Variants in CNPPD1 observed in about 807,000 individuals in gnomAD.
CNPPD1 encodes cyclin Pas1/PHO80 domain containing 1, also known as protein CNPPD1.
A neutral mutation model predicts 43.7 loss-of-function variants in CNPPD1; 40 were observed. That is an observed-to-expected ratio of 0.92 (90% CI 0.71 to 1.19). The LOEUF (loss-of-function observed/expected upper bound fraction) is 1.19. CNPPD1 is among the 50% of genes most tolerant of loss of function. The pLI is 0.00. For missense variants in CNPPD1, 511 were observed against 518.5 expected, an observed-to-expected ratio of 0.99 and a Z score of 0.14; for synonymous variants, 208 against 214.3, an observed-to-expected ratio of 0.97 and a Z score of 0.26.
intron 2 of CNPPD1, 138 bp downstream of exon 2, chr2:219,176,085 T>C (rs1950153737): frequency 1.5e-6 from 1 of 646,626 alleles, no homozygotes; most frequent in Non-Finnish European, 2.8e-6. Flanking sequence ...AAATGCAAAC[T>C]GCCCTCTTGA....
upstream of CNPPD1, chr2:219,177,837 GGT>G (rs1950202104): frequency 6.6e-6 from 1 of 152,252 alleles, no homozygotes; most frequent in Admixed American, 6.5e-5. Context: ...GTCAAGCGCT[GGT>G]GTGTGTTTGT....
At position 219,174,180 on chromosome 2, in the gene CNPPD1, C is replaced by T. The variant is rs1246074421; in HGVS notation, c.538G>A (p.Glu180Lys). The change falls in exon 6 of 8, where the codon GAG (glutamate) becomes AAG (lysine). Residue 180 changes from glutamate to lysine, a missense_variant. Physicochemically the swap from Glu to Lys is moderately conservative, Grantham distance 56 (BLOSUM62 1). Coordinates refer to ENST00000360507, the MANE Select transcript of CNPPD1 (RefSeq NM_015680.6). ...AACCAGCTCAGCACCTCAAAGATCT[C>T]CCGAGGGTCAGTGTAGAGATGCCAA... is the stretch of plus-strand genomic sequence containing the variant. Reference protein sequence around the residue: ...MDWHLYTDPREIFEVLSWLES... With the variant: ...MDWHLYTDPRKIFEVLSWLES... The T allele has an allele frequency of 6.2e-7, 1 of 1,614,198 alleles. No individual in the cohort carries two copies. Among genetic ancestry groups the T allele is most frequent in the Non-Finnish European group, 8.5e-7 (1 of 1,180,032 alleles).
rs773901309 is a variant in CNPPD1 at position 219,172,437 on chromosome 2, C to T, written c.*149G>A. ...ATCTAGGAGTGAATTACCTTCAGTC[C>T]TTCTGCCCCACCACCCCATAAGCTC... On this transcript the variant is annotated 3_prime_UTR_variant, in exon 8 of 8. Coordinates refer to ENST00000360507, the MANE Select transcript of CNPPD1 (RefSeq NM_015680.6). 7.4e-5 allele frequency: 61 copies of T among 819,752 alleles called. No individual in the cohort carries two copies. Among genetic ancestry groups the T allele is most frequent in the Non-Finnish European group, 1.1e-4 (55 of 501,738 alleles). 50.8% of individuals were successfully genotyped at this position (819,752 alleles called of 1,614,324 possible). A position where few individuals can be genotyped will look rare whatever the true frequency, so the allele number is the denominator to read the frequency against.
At chr2:219,173,536 C>T in intron 6 of CNPPD1, 69 bp from the exon 7 acceptor site, 1 of 1,331,068 alleles carries the variant, frequency 7.5e-7, no homozygotes, top group East Asian at 2.3e-5. Context: ...ACCCTCATAC[C>T]ACTCAGGACC....
upstream of CNPPD1, chr2:219,177,927 C>T (rs979014085): frequency 6.5e-6 from 1 of 152,816 alleles, no homozygotes; most frequent in African/African-American, 2.4e-5. Context: ...ACCGCCCTTC[C>T]CGAGCGAGCA....
chr2:219,177,383 G>A (rs1221665687), upstream of CNPPD1: 1 of 153,128 alleles, frequency 6.5e-6, no homozygotes, highest in East Asian at 1.9e-4. Flanking sequence ...GCGTAGCAAT[G>A]GAGAAGTTAA....
rs878915142 is a variant in CNPPD1 at position 219,174,900 on chromosome 2, C to T, written c.388G>A (p.Ala130Thr). The T allele has an allele frequency of 6.2e-7, 1 of 1,614,152 alleles. No homozygotes were observed. Among genetic ancestry groups the T allele is most frequent in the Non-Finnish European group, 8.5e-7 (1 of 1,180,030 alleles). The change falls in exon 5 of 8, where the codon GCC (alanine) becomes ACC (threonine). Residue 130 changes from alanine (A) to threonine (T), a missense_variant. Coordinates refer to ENST00000360507, the MANE Select transcript of CNPPD1 (RefSeq NM_015680.6). ...SDLFLISMMV[A>T]SKYLYDEGEE... ...CCTTCATCATAGAGGTACTTACTGG[C>T]CACCATCTGCAGAGGAACCAGAAGT...
intron 1 of CNPPD1, 90 bp downstream of exon 1, chr2:219,176,670 C>A: frequency 9.6e-7 from 1 of 1,038,786 alleles, no homozygotes; most frequent in Non-Finnish European, 1.4e-6. Flanking sequence ...GCCGCCCAGT[C>A]CCGGCACAGC....
chr2:219,176,780 CGAGGGAGAAGGT>C lies in CNPPD1; in HGVS notation c.37_48del (p.Thr13_Leu16del). 1 of 1,583,058 alleles carries C rather than the reference CGAGGGAGAAGGT, an allele frequency of 6.3e-7. No individual in the cohort carries two copies. The highest frequency in any genetic ancestry group is 8.6e-7 in the Non-Finnish European group (1 of 1,165,302). On this transcript the variant is annotated inframe_deletion, in exon 1 of 8. Coordinates refer to ENST00000360507, the MANE Select transcript of CNPPD1 (RefSeq NM_015680.6). ...CTCACCGTGAAGTCCTGGAAGCCGG[CGAGGGAGAAGGT>C]GCCTTCTTCGTCCAGCAGGAGCCCG...
upstream of CNPPD1, chr2:219,178,056 G>C (rs1950205678): frequency 5.3e-6 from 1 of 189,992 alleles, no homozygotes; most frequent in Middle Eastern, 2.0e-3. Flanking sequence ...AAGAAAACGG[G>C]CTCGACTGCC....
upstream of CNPPD1, chr2:219,176,997 GC>G (rs374751539): frequency 3.4e-6 from 2 of 590,496 alleles, no homozygotes; most frequent in African/African-American, 4.0e-5. Flanking sequence ...GGAAGGCGGG[GC>G]CCGGGCTGAA....
In CNPPD1 at chr2:219,176,318, T is replaced by G; in HGVS notation, c.83A>C (p.His28Pro). ...TCGGATCCGGGCACTCAGCTTCTGG[T>G]GTCCTGGGAGGAACTGAAACAGGGC... is the stretch of plus-strand genomic sequence containing the variant. ...GFQDFTFLPG[H>P]QKLSARIRRR... The change falls in exon 2 of 8, where the codon CAC becomes CCC. Residue 28 changes from histidine (H) to proline (P), a missense_variant. Transcript: ENST00000360507. 1 of 1,613,914 alleles carries G rather than the reference T, an allele frequency of 6.2e-7. No homozygotes were observed. The highest frequency in any genetic ancestry group is 8.5e-7 in the Non-Finnish European group (1 of 1,179,782).
At chr2:219,174,064 CAG>C in intron 6 of CNPPD1, 80 bp downstream of exon 6, 1 of 1,340,024 alleles carries the variant, frequency 7.5e-7, no homozygotes, top group South Asian at 1.2e-5. Flanking sequence ...CCCAGTTACA[CAG>C]ACTCTCATCT....
Position 219,171,994 on chromosome 2 carries a change from G to T in CNPPD1, c.*592C>A, listed in dbSNP as rs557399511. On this transcript the variant is annotated 3_prime_UTR_variant, in exon 8 of 8. Transcript: ENST00000360507. ...GAGAGGCCTGGGAAGAGAATACCTG[G>T]GAGAAGAACCAGAAGAGAGGGAAAC... is the stretch of plus-strand genomic sequence containing the variant. The T allele has an allele frequency of 1.9e-5, 3 of 154,758 alleles. No individual in the cohort carries two copies. Among genetic ancestry groups the T allele is most frequent in the African/African-American group, 7.2e-5 (3 of 41,446 alleles). 9.6% of individuals were successfully genotyped at this position (154,758 alleles called of 1,614,324 possible).
In CNPPD1 at chr2:219,172,670, G is replaced by T; in HGVS notation, c.1149C>A (p.Leu383=). Residue 383 remains leucine, a synonymous_variant, in exon 8 of 8, where the codon CTC becomes CTA. Coordinates refer to ENST00000360507, the MANE Select transcript of CNPPD1 (RefSeq NM_015680.6). ...ATTGCTGAGGCTGAGGAAGTGAAAG[G>T]AGCACCGGGCTCCAAGGCCAGGGGG... The part of the protein sequence containing the change: ...LAPPWPWSPV[L]LSLPQPQQCS... 6.2e-7 allele frequency: 1 copy of T among 1,614,130 alleles called. No homozygotes were observed. The highest frequency in any genetic ancestry group is 1.1e-5 in the South Asian group (1 of 91,084).
At chr2:219,175,518 A>G (rs549753775) in intron 3 of CNPPD1, 73 bp downstream of exon 3, 2 of 1,336,052 alleles carry the variant, frequency 1.5e-6, no homozygotes, top group South Asian at 1.3e-5. Context: ...AGAAAGAAAG[A>G]AAAGAAAGAA....
intron 1 of CNPPD1, 76 bp from the exon 2 acceptor site, chr2:219,176,407 G>T: frequency 8.6e-7 from 1 of 1,164,512 alleles, no homozygotes. Flanking sequence ...GGGCTGGAAG[G>T]CGGGGCAGGG....
chr2:219,177,013 G>A (rs1950182607), upstream of CNPPD1: 4 of 548,744 alleles, frequency 7.3e-6, no homozygotes, highest in Middle Eastern at 4.5e-4. Flanking sequence ...GCTGAACTGG[G>A]CGCCTCTTCC....
chr2:219,172,440 C>T lies in CNPPD1; in HGVS notation c.*146G>A, dbSNP rs1007806112. On this transcript the variant is annotated 3_prime_UTR_variant, in exon 8 of 8. Transcript: ENST00000360507. ...TAGGAGTGAATTACCTTCAGTCCTT[C>T]TGCCCCACCACCCCATAAGCTCCCA... 3 of 835,456 alleles carry T rather than the reference C, an allele frequency of 3.6e-6. No homozygotes were observed. Among genetic ancestry groups the T allele is most frequent in the Non-Finnish European group, 5.8e-6 (3 of 515,486 alleles). The allele number at this position is 835,456 out of a possible 1,614,324, so 51.8% of individuals were successfully genotyped here.
Sources: gnomAD v4.1 joint callset for allele counts on GRCh38, gnomAD v4.1.1 for gene constraint, MANE v1.5 for transcripts, NCBI Gene and HGNC (gene_info 2026-07-23, HGNC 2026-07-21) for gene names.